ZZEF1: variants seen among roughly 807,000 people sequenced by gnomAD.
The protein encoded by ZZEF1 is zinc finger ZZ-type and EF-hand domain containing 1, also known as zinc finger ZZ-type and EF-hand domain-containing protein 1.
Under a neutral mutation model 342.8 loss-of-function variants are expected in ZZEF1, and 157 were observed. That is an observed-to-expected ratio of 0.46 (90% CI 0.40 to 0.52). The LOEUF (loss-of-function observed/expected upper bound fraction) is 0.52, where lower values mean the gene tolerates loss of function less well. Among genes scored for constraint, ZZEF1 ranks in the 20% least tolerant of loss-of-function variants. ZZEF1 has a pLI of 0.00. For missense variants in ZZEF1, 3,480 were observed against 3,725.6 expected (o/e 0.93, Z 1.72); for synonymous variants, 1,505 against 1,429.1 (o/e 1.05, Z -1.20).
chr17:4,112,067 TATATATATATATATATATATATA>T (rs2058316950), intron 5 of ZZEF1, among the ~76,000 whole-genome samples: 7 of 50,378 alleles, frequency 1.4e-4, no homozygotes, highest in Non-Finnish European at 3.8e-5. Context: ...TATATATATA[TATATATATATATATATATATATA>T]TATGTTTTGT....
rs545759131 is a variant in ZZEF1, at chr17:4,065,429, C to T, written c.4250-600G>A. 5.3e-5 allele frequency among the ~76,000 whole-genome samples: 8 copies of T among 150,496 alleles called. No homozygotes were observed. The South Asian group carries it at 1.0e-3, about 20-fold the overall frequency. ...AAAAACAAACAAAAAAACCAAAAAACGAAAAAGTGATACACATATTTACTG... is the reference window on the plus strand; with the variant it reads ...AAAAACAAACAAAAAAACCAAAAAATGAAAAAGTGATACACATATTTACTG... On this transcript the variant is annotated intron_variant, in intron 28 of 54. Transcript: ENST00000381638.
chr17:4,107,918 C>T (rs973427594), intron 6 of ZZEF1, among the ~76,000 whole-genome samples: 1 of 152,154 alleles, frequency 6.6e-6, no homozygotes, highest in Non-Finnish European at 1.5e-5. Flanking sequence ...TGTGTCAGAA[C>T]ATATGGAAGC....
rs117193817 is a variant in ZZEF1, at chr17:4,022,615, G to A, written c.7212+94C>T. On this transcript the variant is annotated intron_variant, in intron 44 of 54. Transcript: ENST00000381638. The stretch of plus-strand genomic sequence containing the variant: ...ACACTGTACTAAAGGAGTGTGCACA[G>A]GGCAGAAGCAGCTGGAACTCGGTGA... 7,271 of 1,579,688 alleles carry A rather than the reference G, an allele frequency of 4.6e-3. 30 individuals carry two copies. The highest frequency in any genetic ancestry group is 5.4e-3 in the Non-Finnish European group (6,306 of 1,158,892).
intron 1 of ZZEF1, among the ~76,000 whole-genome samples, chr17:4,126,445 C>A (rs1017489483): frequency 6.6e-6 from 1 of 151,926 alleles, no homozygotes; most frequent in African/African-American, 2.4e-5. Context: ...AGCACACAGA[C>A]AAAGAATACA....
intron 24 of ZZEF1, 90 bp from the exon 25 acceptor site, chr17:4,072,846 C>G (rs2057537590): frequency 7.6e-7 from 1 of 1,324,372 alleles, no homozygotes; most frequent in South Asian, 1.5e-5. Context: ...TAAAAAAAAC[C>G]ATGGATACTA....
At chr17:4,030,498 T>C (rs1337752258) in intron 42 of ZZEF1, among the ~76,000 whole-genome samples, 2 of 152,340 alleles carry the variant, frequency 1.3e-5, no homozygotes, top group Non-Finnish European at 1.5e-5. Context: ...AATTAATCTA[T>C]AGATTTGATG....
chr17:4,054,991 TA>T (rs2057126399), intron 33 of ZZEF1, among the ~76,000 whole-genome samples: 4 of 152,286 alleles, frequency 2.6e-5, no homozygotes, highest in South Asian at 2.1e-4. Context: ...CTGGCTTGGG[TA>T]CGTGGTTGGA....
At chr17:4,088,996 T>A in intron 12 of ZZEF1, 103 bp from the exon 13 acceptor site, 1 of 1,065,342 alleles carries the variant, frequency 9.4e-7, no homozygotes, top group Non-Finnish European at 1.4e-6. Context: ...ATGATTTTCG[T>A]AATTTATTAG....
rs62072392 is a variant in ZZEF1 at position 4,006,831 on chromosome 17, A to C, written c.*59T>G. On this transcript the variant is annotated 3_prime_UTR_variant, in exon 55 of 55. Transcript: ENST00000381638. ...CAGGAGTTTTCCTGAATGAGGTTAG[A>C]TGTCTGCTCTAAAATCCCTGTGGCA... The C allele has an allele frequency of 6.6e-7, 1 of 1,523,312 alleles. No individual in the cohort carries two copies. Among genetic ancestry groups the C allele is most frequent in the Admixed American group, 2.0e-5 (1 of 51,024 alleles). 94.4% of individuals were successfully genotyped at this position (1,523,312 alleles called of 1,614,324 possible).
At chr17:4,029,759 A>G (rs1597784031) in intron 42 of ZZEF1, among the ~76,000 whole-genome samples, 1 of 152,082 alleles carries the variant, frequency 6.6e-6, no homozygotes, top group African/African-American at 2.4e-5. Flanking sequence ...CTGTAATCTC[A>G]GCTACTCAGG....
At chr17:4,015,222 C>A (rs938031975) in intron 49 of ZZEF1, among the ~76,000 whole-genome samples, 8 of 152,162 alleles carry the variant, frequency 5.3e-5, no homozygotes, top group Non-Finnish European at 8.8e-5. Flanking sequence ...TCTTTGGGAT[C>A]GAACCTGGTG....
Position 4,039,856 on chromosome 17 carries a change from G to A in ZZEF1, c.6306+2573C>T, listed in dbSNP as rs183447739. ...AGATGGGGTTTCACTGTGTTAGCCA[G>A]GATGGTCTCGATCTCCTGACCTCAT... is the stretch of plus-strand genomic sequence containing the variant. On this transcript the variant is annotated intron_variant, in intron 39 of 54. Transcript: ENST00000381638. 4.6e-5 allele frequency among the ~76,000 whole-genome samples: 7 copies of A among 152,078 alleles called. No homozygotes were observed. In the East Asian group the frequency reaches 1.2e-3, roughly 25 times the overall value.
rs984202008 is a variant in ZZEF1 at position 4,037,668 on chromosome 17, C to T, written c.6307-3376G>A. 1.7e-4 allele frequency among the ~76,000 whole-genome samples: 26 copies of T among 152,188 alleles called. 1 individual carries two copies. The highest frequency in any genetic ancestry group is 1.9e-4 in the East Asian group (1 of 5,198). ...GTGCAACCTTGGCTCCCTATGACTT[C>T]GACCTCCTGGGCTCGAGTGATCCTC... On this transcript the variant is annotated intron_variant, in intron 39 of 54. Coordinates refer to ENST00000381638, the MANE Select transcript of ZZEF1 (RefSeq NM_015113.4).
rs1033075838 is a variant in ZZEF1, at chr17:4,017,765, CCTT to C, written c.7642-38_7642-36del. 26 of 1,612,734 alleles carry C rather than the reference CCTT, an allele frequency of 1.6e-5. No homozygotes were observed. Among genetic ancestry groups the C allele is most frequent in the Non-Finnish European group, 2.2e-5 (26 of 1,179,542 alleles). ...CAAGACCACCATTACAGAGGTCTAG[CCTT>C]CTTACAGTGGTGGTATGGGGTGGGG... On this transcript the variant is annotated intron_variant, in intron 47 of 54. Coordinates refer to ENST00000381638, the MANE Select transcript of ZZEF1 (RefSeq NM_015113.4). The surrounding 1 kb of genome is among the most constrained non-coding windows in gnomAD (Gnocchi z 5.1).
chr17:4,140,890 T>C (rs1333621562), intron 1 of ZZEF1, among the ~76,000 whole-genome samples: 2 of 149,210 alleles, frequency 1.3e-5, no homozygotes, highest in Non-Finnish European at 3.0e-5. Context: ...AAAAAGGAGA[T>C]CTTTCACTAA....
rs537812737 is a variant in ZZEF1 at position 4,034,164 on chromosome 17, G to A, written c.6435C>T (p.Ile2145=). Residue 2145 remains isoleucine (I), a synonymous_variant, in exon 40 of 55, where the codon ATC becomes ATT. Coordinates refer to ENST00000381638, the MANE Select transcript of ZZEF1 (RefSeq NM_015113.4). The part of the protein sequence containing the change: ...LTLGLLGQLI[I]RLLPAEVDAA... ...CGTCTACCTCTGCTGGCAAAAGACG[G>A]ATAATTAACTGGCCGAGAAGACCCA... 20 of 1,614,180 alleles carry A rather than the reference G, an allele frequency of 1.2e-5. No homozygotes were observed. The highest frequency in any genetic ancestry group is 8.9e-5 in the East Asian group (4 of 44,876).
chr17:4,083,284 A>AG (rs1222513199), intron 16 of ZZEF1, among the ~76,000 whole-genome samples: 1 of 152,226 alleles, frequency 6.6e-6, no homozygotes, highest in Non-Finnish European at 1.5e-5. Context: ...CTTTCTGTGT[A>AG]GGACACATGC....
chr17:4,012,809 T>G lies in ZZEF1; in HGVS notation c.8579+640A>C, dbSNP rs573919038. Among the ~76,000 whole-genome samples the G allele has an allele frequency of 9.2e-5, 14 of 152,262 alleles. No individual in the cohort carries two copies. The South Asian group carries it at 2.3e-3, about 25-fold the overall frequency. ...GGATATAACGGCAATATACAAAAAT[T>G]AATTGTACATCAGCAAAAACAAAGC... On this transcript the variant is annotated intron_variant, in intron 52 of 54. Coordinates refer to ENST00000381638, the MANE Select transcript of ZZEF1 (RefSeq NM_015113.4).
At chr17:4,045,327 T>C (rs2056891144) in intron 37 of ZZEF1, among the ~76,000 whole-genome samples, 1 of 152,236 alleles carries the variant, frequency 6.6e-6, no homozygotes, top group Non-Finnish European at 1.5e-5. Context: ...GACAAAGCTA[T>C]GAAATTCTTT....
Sources: gnomAD v4.1 joint callset for allele counts (sites outside exome capture counted in the v4.1 genomes callset) on GRCh38, gnomAD v4.1.1 for gene constraint, Gnocchi (gnomAD v3.1) non-coding constraint, MANE v1.5 for transcripts, NCBI Gene and HGNC (gene_info 2026-07-23, HGNC 2026-07-21) for gene names.